ZNF585B: variants seen among roughly 807,000 people sequenced by gnomAD.
The protein encoded by ZNF585B is zinc finger protein 41-like protein.
ZNF585B carries 7 observed loss-of-function variants against 14.0 expected under a neutral mutation model. That is an observed-to-expected ratio of 0.50 (90% confidence interval 0.28 to 0.94). The LOEUF is 0.94. ZNF585B is among the 40% of genes least tolerant of loss of function. The probability of loss-of-function intolerance (pLI) is 0.09; values close to 1 mark genes in which losing one functional copy is unlikely to be tolerated. For missense variants in ZNF585B, 750 were observed against 924.4 expected, an observed-to-expected ratio of 0.81 and a Z score of 2.45; for synonymous variants, 290 against 317.3, an observed-to-expected ratio of 0.91 and a Z score of 0.91.
chr19:37,188,935 CTT>C (rs869293622), intron 4 of ZNF585B, among the ~76,000 whole-genome samples: 2 of 143,196 alleles, frequency 1.4e-5, no homozygotes, highest in African/African-American at 2.5e-5. Context: ...AAATAAAGTT[CTT>C]TTTTTTTTTT....
chr19:37,195,558 C>T (rs1972456829), intron 2 of ZNF585B, among the ~76,000 whole-genome samples: 2 of 151,634 alleles, frequency 1.3e-5, no homozygotes, highest in Middle Eastern at 3.4e-3. Flanking sequence ...ATTCAGGAAC[C>T]ATTAAAAGAA....
At position 37,186,622 on chromosome 19, in the gene ZNF585B, T is replaced by C. The variant is rs1227533980; in HGVS notation, c.915A>G (p.Lys305=). 1.9e-6 allele frequency: 3 copies of C among 1,614,114 alleles called. No homozygotes were observed. Among genetic ancestry groups the C allele is most frequent in the African/African-American group, 1.3e-5 (1 of 74,942 alleles). ...GAAGTTGTGACTTGGAAATGAAGGA[T>C]TTGCCACAGTTATTGCATTCATATG... is the stretch of plus-strand genomic sequence containing the variant. ...EKPYECNNCG[K]SFISKSQLQV... Residue 305 remains lysine (K), a synonymous_variant, in exon 5 of 5, where the codon AAA becomes AAG. Coordinates refer to ENST00000532828, the MANE Select transcript of ZNF585B (RefSeq NM_152279.4).
At chr19:37,200,493 T>C (rs1445286473) in intron 2 of ZNF585B, among the ~76,000 whole-genome samples, 3 of 134,772 alleles carry the variant, frequency 2.2e-5, no homozygotes, top group Admixed American at 1.8e-4. Context: ...GAGGTTGCAG[T>C]GAGCCGAGAT....
intron 2 of ZNF585B, among the ~76,000 whole-genome samples, chr19:37,194,476 G>T (rs565650397): frequency 4.6e-5 from 7 of 152,290 alleles, no homozygotes; most frequent in Admixed American, 4.6e-4. Flanking sequence ...AGCTGGGCAT[G>T]GTGGCGCATG....
intron 2 of ZNF585B, among the ~76,000 whole-genome samples, chr19:37,196,880 G>A (rs921814634): frequency 1.3e-5 from 2 of 152,108 alleles, no homozygotes; most frequent in African/African-American, 4.8e-5. Flanking sequence ...TTTCAGGGAT[G>A]GTCAAAAGTT....
intron 2 of ZNF585B, among the ~76,000 whole-genome samples, chr19:37,203,941 T>C (rs1972560750): frequency 6.6e-6 from 1 of 152,254 alleles, no homozygotes; most frequent in African/African-American, 2.4e-5. Flanking sequence ...AAGAGCCTTT[T>C]ACTTATTTGT....
At chr19:37,188,686 A>C (rs1392329660) in intron 4 of ZNF585B, among the ~76,000 whole-genome samples, 1 of 151,602 alleles carries the variant, frequency 6.6e-6, no homozygotes, top group African/African-American at 2.4e-5. Context: ...CAAACAAACA[A>C]ACAAAGCCAA....
At chr19:37,190,374 T>G in intron 2 of ZNF585B, 1 of 431,312 alleles carries the variant, frequency 2.3e-6, no homozygotes, top group East Asian at 4.9e-5. Flanking sequence ...GCCTCCTGAG[T>G]AGCTGGGATT....
rs150927709 is a variant in ZNF585B, at chr19:37,186,031, G to A, written c.1506C>T (p.Ala502=). 1 of 1,613,910 alleles carries A rather than the reference G, an allele frequency of 6.2e-7. No homozygotes were observed. The highest frequency in any genetic ancestry group is 1.1e-5 in the South Asian group (1 of 91,064). ...TAATCAAGTCTGACCTCTGGGTGAA[G>A]GCCTTTCCACATTTGGAACATATAT... ...KSYICSKCGK[A]FTQRSDLITH... Residue 502 remains alanine, a synonymous_variant, in exon 5 of 5, where the codon GCC becomes GCT. Coordinates refer to ENST00000532828, the MANE Select transcript of ZNF585B (RefSeq NM_152279.4).
At chr19:37,194,549 G>A (rs1317533957) in intron 2 of ZNF585B, among the ~76,000 whole-genome samples, 1 of 152,092 alleles carries the variant, frequency 6.6e-6, no homozygotes, top group Non-Finnish European at 1.5e-5. Context: ...GGAGGTGGAG[G>A]TTGCAGTGAG....
At chr19:37,187,697 A>ACC (rs1375535624) in intron 4 of ZNF585B, among the ~76,000 whole-genome samples, 6 of 152,058 alleles carry the variant, frequency 3.9e-5, no homozygotes, top group African/African-American at 1.4e-4. Context: ...ATAATAAGTC[A>ACC]CTTTTTGCTT....
intron 2 of ZNF585B, among the ~76,000 whole-genome samples, chr19:37,195,246 T>G (rs1367959457): frequency 6.8e-6 from 1 of 146,604 alleles, no homozygotes; most frequent in African/African-American, 2.5e-5. Flanking sequence ...CTTGGGAGGC[T>G]GAGGCAGGAG....
At chr19:37,202,860 C>T (rs954930482) in intron 2 of ZNF585B, among the ~76,000 whole-genome samples, 2 of 152,104 alleles carry the variant, frequency 1.3e-5, no homozygotes, top group African/African-American at 4.8e-5. Context: ...TCAGGCTGGT[C>T]TCGAACTCCT....
At position 37,186,821 on chromosome 19, in the gene ZNF585B, T is replaced by C. The variant is rs370016339; in HGVS notation, c.716A>G (p.Glu239Gly). ...LSIHEKIHTGERHHECTDCGK... is the reference protein window; with the variant it reads ...LSIHEKIHTGGRHHECTDCGK... ...ACAGTCAGTGCATTCATGGTGTCTC[T>C]CTCCAGTATGAATTTTCTCATGTAT... Residue 239 changes from glutamate (E) to glycine (G), a missense_variant, in exon 5 of 5, where the codon GAG (glutamate) becomes GGG (glycine). This residue lies in a region of ZNF585B where 517 missense variants were observed against 570.3 expected (regional missense o/e 0.91). Coordinates refer to ENST00000532828, the MANE Select transcript of ZNF585B (RefSeq NM_152279.4). The C allele has an allele frequency of 4.1e-5, 66 of 1,614,056 alleles. No homozygotes were observed. The highest frequency in any genetic ancestry group is 5.3e-5 in the Non-Finnish European group (62 of 1,180,018).
chr19:37,194,980 T>G (rs1353269463), intron 2 of ZNF585B, among the ~76,000 whole-genome samples: 2 of 151,998 alleles, frequency 1.3e-5, no homozygotes, highest in African/African-American at 4.8e-5. Context: ...AAGCAAAAAC[T>G]ATTTGGAAAT....
At chr19:37,203,319 T>C (rs1972552256) in intron 2 of ZNF585B, among the ~76,000 whole-genome samples, 2 of 152,032 alleles carry the variant, frequency 1.3e-5, no homozygotes, top group East Asian at 3.9e-4. Flanking sequence ...AACTTTAAAA[T>C]GTAGTACTTT....
intron 2 of ZNF585B, among the ~76,000 whole-genome samples, chr19:37,193,634 G>C (rs1385093208): frequency 3.3e-5 from 5 of 151,970 alleles, no homozygotes; most frequent in Non-Finnish European, 5.9e-5. Flanking sequence ...AAAAAAATTA[G>C]CCATGCCTGG....
In ZNF585B at chr19:37,185,559, T is replaced by C. The variant is rs1232552256; in HGVS notation, c.1978A>G (p.Lys660Glu). ...CCACATTCAGAACAAATGTAGGGCTTTTCTCCGGTATGAGTTTTCTGGTGC... is the reference window on the plus strand; with the variant it reads ...CCACATTCAGAACAAATGTAGGGCTCTTCTCCGGTATGAGTTTTCTGGTGC... ...SKHQKTHTGE[K>E]PYICSECGKT... Residue 660 changes from lysine (K) to glutamate (E), a missense_variant, in exon 5 of 5, where the codon AAG becomes GAG. Around this residue, in one of 2 missense-constraint regions of ZNF585B, gnomAD observed 233 missense variants for 354.1 expected, o/e 0.66. Transcript: ENST00000532828. The C allele has an allele frequency of 1.9e-6, 3 of 1,613,552 alleles. No individual in the cohort carries two copies. Among genetic ancestry groups the C allele is most frequent in the African/African-American group, 1.3e-5 (1 of 74,858 alleles).
chr19:37,205,521 GA>G (rs1397121497), intron 2 of ZNF585B, among the ~76,000 whole-genome samples: 1 of 151,996 alleles, frequency 6.6e-6, no homozygotes, highest in Non-Finnish European at 1.5e-5. Context: ...GAAATCAAGA[GA>G]AAAAAATTGT....
Sources: gnomAD v4.1 joint callset for allele counts (sites outside exome capture counted in the v4.1 genomes callset) on GRCh38, gnomAD v4.1.1 for gene constraint, gnomAD v4.1.1 regional missense constraint, MANE v1.5 for transcripts, NCBI Gene and HGNC (gene_info 2026-07-23, HGNC 2026-07-21) for gene names.